The following DHRSX variants were observed in gnomAD, a reference collection of about 807,000 sequenced individuals.
DHRSX encodes the protein dehydrogenase/reductase X-linked.
A neutral mutation model predicts 34.0 loss-of-function variants in DHRSX; 31 were observed. The ratio of observed to expected loss-of-function variants is 0.91; its 90% confidence interval spans 0.69 to 1.23. The LOEUF (loss-of-function observed/expected upper bound fraction) is 1.23. Among genes scored for constraint, DHRSX ranks in the 50% most tolerant of loss-of-function variants. The pLI, the probability that DHRSX is intolerant of heterozygous loss-of-function variation, is 0.00. For missense variants in DHRSX, 414 were observed against 428.1 expected (o/e 0.97, Z 0.29); for synonymous variants, 201 against 183.8 (o/e 1.09, Z -0.76).
intron 5 of DHRSX, among the ~76,000 whole-genome samples, chrX:2,262,523 GCACCTCACCTGTGCATACTGGTACA>G (rs1180445222): frequency 6.6e-6 from 1 of 152,028 alleles, no homozygotes; most frequent in Non-Finnish European, 1.5e-5. Context: ...GGGCACGCAT[GCACCTCACCTGTGCATACTGGTACA>G]CACCTCACCT....
At chrX:2,440,623 A>G (rs950086194) in intron 1 of DHRSX, among the ~76,000 whole-genome samples, 4 of 150,978 alleles carry the variant, frequency 2.6e-5, no homozygotes, top group Non-Finnish European at 5.9e-5. Context: ...CCCATGCTGG[A>G]TGCTTCCTGC....
rs1467725792 is a variant in DHRSX, at chrX:2,358,844, G to A, written c.286+49901C>T. Among the ~76,000 whole-genome samples, 7 of 151,982 alleles carry A rather than the reference G, an allele frequency of 4.6e-5. No individual in the cohort carries two copies. The South Asian group carries it at 1.0e-3, about 23-fold the overall frequency. On this transcript the variant is annotated intron_variant, in intron 3 of 6. Coordinates refer to ENST00000334651, the MANE Select transcript of DHRSX (RefSeq NM_145177.3). ...AAAGTCAAAAACCAAAGCTACTTGCGAGGCTGAGGCAGGAGAATGGCGTGA... is the reference window on the plus strand; with the variant it reads ...AAAGTCAAAAACCAAAGCTACTTGCAAGGCTGAGGCAGGAGAATGGCGTGA...
intron 3 of DHRSX, among the ~76,000 whole-genome samples, chrX:2,333,210 AC>A (rs2124551531): frequency 6.6e-6 from 1 of 152,186 alleles, no homozygotes; most frequent in African/African-American, 2.4e-5. Flanking sequence ...TAACTTTAAC[AC>A]CTTTTAATTT....
intron 3 of DHRSX, among the ~76,000 whole-genome samples, chrX:2,373,901 G>A (rs1294611326): frequency 6.6e-6 from 1 of 152,194 alleles, no homozygotes; most frequent in East Asian, 1.9e-4. Context: ...ACAGGTGAGA[G>A]AGTGGGGGAA....
rs761004148 is a variant in DHRSX at position 2,440,245 on chromosome X, G to T, written c.110-14941C>A. 3.9e-5 allele frequency among the ~76,000 whole-genome samples: 6 copies of T among 152,074 alleles called. No individual in the cohort carries two copies. In the South Asian group the frequency reaches 1.2e-3, roughly 32 times the overall value. Reference sequence around the variant, plus strand: ...AGACAAGGTCTCACTCTTTCACCCAGGCTGGAGTGCAGTGGGGCAATCATG... The same window carrying T: ...AGACAAGGTCTCACTCTTTCACCCATGCTGGAGTGCAGTGGGGCAATCATG... On this transcript the variant is annotated intron_variant, in intron 1 of 6. Coordinates refer to ENST00000334651, the MANE Select transcript of DHRSX (RefSeq NM_145177.3).
chrX:2,495,295 G>A (rs1400486736), intron 1 of DHRSX, among the ~76,000 whole-genome samples: 1 of 151,362 alleles, frequency 6.6e-6, no homozygotes, highest in Non-Finnish European at 1.5e-5. Flanking sequence ...TATTCCTATT[G>A]TTGTTATTAT....
intron 3 of DHRSX, among the ~76,000 whole-genome samples, chrX:2,343,909 T>C (rs893309297): frequency 5.9e-5 from 9 of 152,186 alleles, no homozygotes; most frequent in Non-Finnish European, 8.8e-5. Context: ...TGTGCGCCTG[T>C]AGCTCTGACT....
chrX:2,431,429 G>C (rs6567729), intron 1 of DHRSX, among the ~76,000 whole-genome samples: 33,657 of 151,842 alleles, frequency 0.22, 4,003 homozygotes, highest in Middle Eastern at 0.33. Flanking sequence ...GAATAGTGCT[G>C]CGATGAACAC....
chrX:2,266,234 CG>C (rs2041467411), intron 5 of DHRSX, among the ~76,000 whole-genome samples: 1 of 139,480 alleles, frequency 7.2e-6, no homozygotes, highest in African/African-American at 2.9e-5. Context: ...CCCAGAGCAC[CG>C]GTGTCCAGCA....
At chrX:2,253,213 C>T (rs1365471347) in intron 5 of DHRSX, among the ~76,000 whole-genome samples, 6 of 151,170 alleles carry the variant, frequency 4.0e-5, no homozygotes, top group Admixed American at 2.6e-4. Flanking sequence ...GCCTGGGAGG[C>T]GGACATGGCC....
At chrX:2,500,789 G>A in intron 1 of DHRSX, 28 bp downstream of exon 1, 2 of 1,060,488 alleles carry the variant, frequency 1.9e-6, no homozygotes, top group African/African-American at 3.4e-5. Flanking sequence ...GGTCCCCGGA[G>A]CCCTGACCCC....
intron 3 of DHRSX, among the ~76,000 whole-genome samples, chrX:2,350,917 C>T (rs1423174178): frequency 6.6e-6 from 1 of 152,132 alleles, no homozygotes. Context: ...AGGATGAGTT[C>T]ATCTCCTCTG....
At chrX:2,272,835 G>A (rs903771727) in intron 4 of DHRSX, among the ~76,000 whole-genome samples, 2 of 152,172 alleles carry the variant, frequency 1.3e-5, no homozygotes, top group African/African-American at 4.8e-5. Context: ...ACATTCCTGT[G>A]CCCCGAAAGA....
At chrX:2,315,249 G>A (rs1190408731) in intron 3 of DHRSX, among the ~76,000 whole-genome samples, 1 of 151,916 alleles carries the variant, frequency 6.6e-6, no homozygotes, top group East Asian at 1.9e-4. Context: ...CCTTTCTCTT[G>A]CTGCAAAGCC....
intron 2 of DHRSX, among the ~76,000 whole-genome samples, chrX:2,422,936 C>T (rs1325107138): frequency 1.3e-5 from 2 of 151,950 alleles, no homozygotes; most frequent in Admixed American, 1.3e-4. Flanking sequence ...AGGCGCCCAC[C>T]ACCACGCAGG....
Position 2,408,727 on chromosome X carries a change from T to C in DHRSX, c.286+18A>G, listed in dbSNP as rs1396844487. Reference sequence around the variant, plus strand: ...AAAAAAAAAAACAAAAAAAAGCCATTGGAGTATCTCTCGGTACCTTTGTCG... The same window carrying C: ...AAAAAAAAAAACAAAAAAAAGCCATCGGAGTATCTCTCGGTACCTTTGTCG... On this transcript the variant is annotated intron_variant, in intron 3 of 6. Transcript: ENST00000334651. The C allele has an allele frequency of 6.3e-7, 1 of 1,599,752 alleles. No homozygotes were observed. Among genetic ancestry groups the C allele is most frequent in the Admixed American group, 1.8e-5 (1 of 56,982 alleles).
intron 6 of DHRSX, 31 bp downstream of exon 6, chrX:2,242,992 G>A (rs745523365): frequency 5.6e-6 from 9 of 1,602,490 alleles, no homozygotes; most frequent in Middle Eastern, 1.7e-4. Flanking sequence ...TTCAGGTGCA[G>A]CCGTGAATCA....
At chrX:2,316,770 G>T (rs371384006) in intron 3 of DHRSX, among the ~76,000 whole-genome samples, 1 of 152,114 alleles carries the variant, frequency 6.6e-6, no homozygotes, top group Non-Finnish European at 1.5e-5. Context: ...CAAGGTCATC[G>T]CCAAGATCTG....
intron 3 of DHRSX, among the ~76,000 whole-genome samples, chrX:2,327,394 G>A (rs1189915650): frequency 2.6e-5 from 4 of 152,192 alleles, no homozygotes; most frequent in Non-Finnish European, 5.9e-5. Flanking sequence ...GCAGAAAGAA[G>A]CCATCACTAT....
Sources: gnomAD v4.1 joint callset for allele counts (sites outside exome capture counted in the v4.1 genomes callset) on GRCh38, gnomAD v4.1.1 for gene constraint, MANE v1.5 for transcripts, NCBI Gene and HGNC (gene_info 2026-07-23, HGNC 2026-07-21) for gene names.